CSMD3: variants seen among roughly 807,000 people sequenced by gnomAD.
CSMD3 encodes CUB and Sushi multiple domains 3.
In CSMD3, 177 loss-of-function variants were observed where a neutral mutation model predicts 435.2. The observed-to-expected ratio is 0.41, with a 90% CI of 0.36 to 0.46. The LOEUF is 0.46. Ranked by LOEUF, CSMD3 falls within the 20% of genes least tolerant of loss-of-function variation. The pLI, the probability that CSMD3 is intolerant of heterozygous loss-of-function variation, is 0.34. For synonymous variants in CSMD3, 1,656 were observed against 1,520.5 expected (o/e 1.09, Z -2.07); for missense variants, 4,265 against 4,504.6 (o/e 0.95, Z 1.52).
chr8:113,132,882 T>C (rs908565771), intron 4 of CSMD3, among the ~76,000 whole-genome samples: 1 of 152,144 alleles, frequency 6.6e-6, no homozygotes, highest in Non-Finnish European at 1.5e-5. Context: ...AAATGTATCC[T>C]GTGACCTCAG....
At chr8:112,240,480 A>G in intron 66 of CSMD3, among the ~76,000 whole-genome samples, 1 of 152,060 alleles carries the variant, frequency 6.6e-6, no homozygotes, top group East Asian at 1.9e-4. Flanking sequence ...CAAGTGTTGA[A>G]TGTATCAGTA....
chr8:112,451,079 T>C (rs1816210918), intron 32 of CSMD3, among the ~76,000 whole-genome samples: 1 of 152,132 alleles, frequency 6.6e-6, no homozygotes, highest in African/African-American at 2.4e-5. Flanking sequence ...TTAAAAATCA[T>C]GATGATGAAA....
rs188207540 is a variant in CSMD3, at chr8:112,324,009, G to A, written c.7166-4028C>T. ...TAAAATTAAGACACATTGTCTCCCC[G>A]ATTTATAGATAAATAAACCTCATTT... is the stretch of plus-strand genomic sequence containing the variant. On this transcript the variant is annotated intron_variant, in intron 45 of 70. Coordinates refer to ENST00000297405, the MANE Select transcript of CSMD3 (RefSeq NM_198123.2). Among the ~76,000 whole-genome samples the A allele has an allele frequency of 1.5e-4, 23 of 152,092 alleles. No homozygotes were observed. In the East Asian group the frequency reaches 2.9e-3, roughly 19 times the overall value.
intron 58 of CSMD3, among the ~76,000 whole-genome samples, chr8:112,284,757 G>A (rs968836938): frequency 1.3e-5 from 2 of 151,770 alleles, no homozygotes; most frequent in Non-Finnish European, 2.9e-5. Flanking sequence ...GTAATAAACT[G>A]AAGCAATAGA....
intron 3 of CSMD3, among the ~76,000 whole-genome samples, chr8:113,270,254 A>T (rs1184481188): frequency 6.7e-6 from 1 of 149,422 alleles, no homozygotes; most frequent in Non-Finnish European, 1.5e-5. Flanking sequence ...TCAAAACCAC[A>T]ATGAGATACC....
At chr8:113,138,491 C>CT (rs1436816348) in intron 4 of CSMD3, among the ~76,000 whole-genome samples, 4 of 151,258 alleles carry the variant, frequency 2.6e-5, no homozygotes, top group Non-Finnish European at 5.9e-5. Flanking sequence ...AATTCCAATG[C>CT]TAAAGATAAA....
chr8:113,001,340 G>A (rs1009597328), intron 6 of CSMD3, among the ~76,000 whole-genome samples: 2 of 151,990 alleles, frequency 1.3e-5, no homozygotes, highest in African/African-American at 4.8e-5. Flanking sequence ...ACTTAATCCT[G>A]CTATGTTTTA....
chr8:113,321,003 T>G (rs1362820191), intron 1 of CSMD3, among the ~76,000 whole-genome samples: 1 of 152,084 alleles, frequency 6.6e-6, no homozygotes, highest in African/African-American at 2.4e-5. Context: ...TAAATCTATC[T>G]CTAGTCCCCT....
intron 13 of CSMD3, among the ~76,000 whole-genome samples, chr8:112,766,140 A>G (rs754736738): frequency 6.6e-6 from 1 of 151,748 alleles, no homozygotes; most frequent in Non-Finnish European, 1.5e-5. Context: ...GGAGTTGGAT[A>G]CAGATTTACT....
chr8:113,236,494 C>T (rs2093151209), intron 3 of CSMD3, among the ~76,000 whole-genome samples: 1 of 152,110 alleles, frequency 6.6e-6, no homozygotes, highest in Non-Finnish European at 1.5e-5. Context: ...AGACAATTTC[C>T]ACTCTATAGT....
intron 27 of CSMD3, among the ~76,000 whole-genome samples, chr8:112,547,464 C>G (rs1827282929): frequency 6.6e-6 from 1 of 152,102 alleles, no homozygotes; most frequent in Admixed American, 6.6e-5. Flanking sequence ...GGGAAGATCG[C>G]TTGAACTTAG....
chr8:112,272,219 T>C (rs1273891489), intron 59 of CSMD3, among the ~76,000 whole-genome samples: 1 of 152,186 alleles, frequency 6.6e-6, no homozygotes, highest in African/African-American at 2.4e-5. Flanking sequence ...AATTTTATTA[T>C]AGCAGCACAA....
intron 13 of CSMD3, among the ~76,000 whole-genome samples, chr8:112,784,412 AAC>A (rs2078483054): frequency 6.6e-6 from 1 of 152,038 alleles, no homozygotes. Flanking sequence ...AATTCGTAGA[AAC>A]AATAGAGATC....
At chr8:113,382,984 A>G (rs1156684215) in intron 1 of CSMD3, among the ~76,000 whole-genome samples, 1 of 151,272 alleles carries the variant, frequency 6.6e-6, no homozygotes, top group African/African-American at 2.4e-5. Context: ...CTGTCTCAAA[A>G]TAAATAAATA....
At chr8:112,994,820 A>G (rs1035997785) in intron 6 of CSMD3, among the ~76,000 whole-genome samples, 1 of 151,604 alleles carries the variant, frequency 6.6e-6, no homozygotes, top group Non-Finnish European at 1.5e-5. Context: ...AACTCAGTTC[A>G]TTTATTCTCA....
At chr8:113,402,810 T>C (rs1010018598) in intron 1 of CSMD3, among the ~76,000 whole-genome samples, 10 of 151,400 alleles carry the variant, frequency 6.6e-5, no homozygotes, top group Non-Finnish European at 1.2e-4. Flanking sequence ...GTTAAGCATA[T>C]TATTTCAATA....
chr8:112,889,245 G>C (rs752299654), intron 10 of CSMD3, among the ~76,000 whole-genome samples: 1 of 151,572 alleles, frequency 6.6e-6, no homozygotes, highest in Non-Finnish European at 1.5e-5. Flanking sequence ...GATTTAGAGA[G>C]CAATGAGATA....
chr8:113,436,793 T>C lies in CSMD3; in HGVS notation c.62A>G (p.Lys21Arg), dbSNP rs2130156366. 6.2e-7 allele frequency: 1 copy of C among 1,614,198 alleles called. No individual in the cohort carries two copies. Among genetic ancestry groups the C allele is most frequent in the Middle Eastern group, 1.6e-4 (1 of 6,062 alleles). The change falls in exon 1 of 71, where the codon AAG becomes AGG. Residue 21 changes from lysine (K) to arginine (R), a missense_variant. Physicochemically the swap from Lys to Arg is conservative, Grantham distance 26. This residue lies in a region of CSMD3 where 731 missense variants were observed against 755.4 expected (regional missense o/e 0.97). Coordinates refer to ENST00000297405, the MANE Select transcript of CSMD3 (RefSeq NM_198123.2). ...AKESKPWEPG[K>R]RRCAKCGRLD... ...GCGGCCACATTTAGCGCATCTTCGC[T>C]TGCCAGGCTCCCAGGGTTTGGATTC...
intron 38 of CSMD3, among the ~76,000 whole-genome samples, chr8:112,357,455 G>A (rs965245067): frequency 6.6e-6 from 1 of 152,064 alleles, no homozygotes; most frequent in Non-Finnish European, 1.5e-5. Context: ...CATTTTCTGA[G>A]GAGAAATTCA....
Sources: gnomAD v4.1 joint callset for allele counts (sites outside exome capture counted in the v4.1 genomes callset) on GRCh38, gnomAD v4.1.1 for gene constraint, gnomAD v4.1.1 regional missense constraint, MANE v1.5 for transcripts, NCBI Gene and HGNC (gene_info 2026-07-23, HGNC 2026-07-21) for gene names.